PLPP1: variants seen among roughly 807,000 people sequenced by gnomAD.
PLPP1 encodes the protein lipid phosphate phosphohydrolase 1a.
PLPP1 carries 24 observed loss-of-function variants against 31.2 expected under a neutral mutation model. The observed-to-expected ratio is 0.77, with a 90% confidence interval of 0.56 to 1.08. The LOEUF (loss-of-function observed/expected upper bound fraction) is 1.08. Ranked by LOEUF, PLPP1 falls within the 50% of genes least tolerant of loss-of-function variation. The pLI, the probability that PLPP1 is intolerant of heterozygous loss-of-function variation, is 0.00. For synonymous variants in PLPP1, 146 were observed against 126.3 expected (o/e 1.16, Z -1.05); for missense variants, 319 against 342.7 (o/e 0.93, Z 0.55).
intron 1 of PLPP1, among the ~76,000 whole-genome samples, chr5:55,507,061 TTG>T (rs1342115046): frequency 9.9e-5 from 15 of 152,204 alleles, no homozygotes; most frequent in Admixed American, 3.3e-4. Flanking sequence ...ACTAATCAAG[TTG>T]TGTGTTATTT....
At chr5:55,467,309 AG>A (rs755782021) in intron 3 of PLPP1, among the ~76,000 whole-genome samples, 7 of 152,170 alleles carry the variant, frequency 4.6e-5, no homozygotes, top group Non-Finnish European at 1.0e-4. Context: ...TATTCATTTA[AG>A]TATTGTCTAT....
intron 1 of PLPP1, among the ~76,000 whole-genome samples, chr5:55,514,796 G>GT (rs1194524565): frequency 6.6e-6 from 1 of 152,164 alleles, no homozygotes; most frequent in Non-Finnish European, 1.5e-5. Context: ...ATGTATGCTT[G>GT]TATCACTCAA....
chr5:55,497,345 A>G (rs1400299635), intron 1 of PLPP1, among the ~76,000 whole-genome samples: 2 of 152,038 alleles, frequency 1.3e-5, no homozygotes, highest in Non-Finnish European at 2.9e-5. Flanking sequence ...TCTTGGGCTC[A>G]GGCAATCCTC....
At chr5:55,520,183 C>T (rs1042380648) in intron 1 of PLPP1, among the ~76,000 whole-genome samples, 1 of 152,188 alleles carries the variant, frequency 6.6e-6, no homozygotes, top group African/African-American at 2.4e-5. Flanking sequence ...TGTCTATGAG[C>T]TGTGGGAATA....
chr5:55,448,385 G>C (rs1414225678), intron 3 of PLPP1, among the ~76,000 whole-genome samples: 1 of 151,186 alleles, frequency 6.6e-6, no homozygotes, highest in Non-Finnish European at 1.5e-5. Context: ...ATGTCTCCTA[G>C]AGAAATGCAG....
chr5:55,511,471 T>G (rs545422295), intron 1 of PLPP1, among the ~76,000 whole-genome samples: 1 of 152,058 alleles, frequency 6.6e-6, no homozygotes, highest in African/African-American at 2.4e-5. Context: ...TCACAAGTTT[T>G]TTTTTCTTTT....
At chr5:55,457,761 C>T (rs879722025) in intron 3 of PLPP1, among the ~76,000 whole-genome samples, 6 of 151,962 alleles carry the variant, frequency 3.9e-5, no homozygotes, top group East Asian at 3.9e-4. Flanking sequence ...TGGTGGCGGG[C>T]GCCTGTAGTC....
chr5:55,501,492 AAACAAAGCTAATTT>A (rs1247602954), intron 1 of PLPP1, among the ~76,000 whole-genome samples: 2 of 152,118 alleles, frequency 1.3e-5, no homozygotes, highest in Admixed American at 1.3e-4. Flanking sequence ...AAAATGTATG[AAACAAAGCTAATTT>A]ATTTATTTAT....
chr5:55,470,636 A>T (rs1339895815), intron 2 of PLPP1, among the ~76,000 whole-genome samples: 1 of 152,232 alleles, frequency 6.6e-6, no homozygotes, highest in Non-Finnish European at 1.5e-5. Flanking sequence ...AAGAAGTTCT[A>T]AATCAATTCT....
intron 3 of PLPP1, among the ~76,000 whole-genome samples, chr5:55,443,192 A>ATATATATAT (rs1554037280): frequency 0.031 from 766 of 24,906 alleles, 11 homozygotes; most frequent in Non-Finnish European, 0.042. Context: ...AAAAAAAAAA[A>ATATATATAT]ATATATATAT....
intron 1 of PLPP1, among the ~76,000 whole-genome samples, chr5:55,498,123 T>C (rs1753042263): frequency 6.6e-6 from 1 of 152,136 alleles, no homozygotes; most frequent in African/African-American, 2.4e-5. Context: ...AAAGGGGCTA[T>C]TTATAGAGTC....
chr5:55,425,607 A>C, intron 5 of PLPP1: 1 of 448,042 alleles, frequency 2.2e-6, no homozygotes, highest in Non-Finnish European at 3.8e-6. Context: ...TCAAGTCATA[A>C]TCCCCTAAAA....
chr5:55,511,650 GTTTTTTTTTTTTTT>G lies in PLPP1; in HGVS notation c.58+22908_58+22921del, dbSNP rs1158182340. On this transcript the variant is annotated intron_variant, in intron 1 of 5. Coordinates refer to ENST00000307259, the MANE Select transcript of PLPP1 (RefSeq NM_003711.4). ...ACTTTAGCGATTTAACACGTGTTGA[GTTTTTTTTTTTTTT>G]TTTTTTTTTTTTTTTTTGAGATGGA... 1.0e-3 allele frequency among the ~76,000 whole-genome samples: 54 copies of G among 51,496 alleles called. 1 individual carries two copies. In the East Asian group the frequency reaches 0.013, roughly 12 times the overall value. The allele number at this position is 51,496 out of a possible 152,430, so 33.8% of individuals were successfully genotyped here.
At chr5:55,453,668 C>T (rs1373414776) in intron 3 of PLPP1, among the ~76,000 whole-genome samples, 2 of 152,086 alleles carry the variant, frequency 1.3e-5, no homozygotes, top group African/African-American at 4.8e-5. Flanking sequence ...GGCCGGATAC[C>T]GTTGGCTCCC....
intron 1 of PLPP1, among the ~76,000 whole-genome samples, chr5:55,476,650 C>T (rs1446093485): frequency 6.6e-6 from 1 of 152,132 alleles, no homozygotes; most frequent in African/African-American, 2.4e-5. Flanking sequence ...GCAGTAATAC[C>T]ATAACCACTA....
chr5:55,443,210 T>C (rs867243476), intron 3 of PLPP1, among the ~76,000 whole-genome samples: 31 of 116,544 alleles, frequency 2.7e-4, no homozygotes, highest in Admixed American at 6.5e-4. Flanking sequence ...TATATATATA[T>C]ATACACACAC....
chr5:55,486,558 C>T (rs1752778899), intron 1 of PLPP1, among the ~76,000 whole-genome samples: 1 of 151,844 alleles, frequency 6.6e-6, no homozygotes, highest in Non-Finnish European at 1.5e-5. Flanking sequence ...TATACTCCAG[C>T]CTGGGCAACA....
At chr5:55,442,456 A>G (rs1751643630) in intron 3 of PLPP1, among the ~76,000 whole-genome samples, 1 of 152,140 alleles carries the variant, frequency 6.6e-6, no homozygotes. Context: ...GATCGAGACC[A>G]TCCTGGCCAA....
At chr5:55,512,115 G>A (rs1264396996) in intron 1 of PLPP1, among the ~76,000 whole-genome samples, 1 of 151,210 alleles carries the variant, frequency 6.6e-6, no homozygotes, top group Non-Finnish European at 1.5e-5. Context: ...GGCAACAAGA[G>A]CAAAACTCCT....
Sources: gnomAD v4.1 joint callset for allele counts (sites outside exome capture counted in the v4.1 genomes callset) on GRCh38, gnomAD v4.1.1 for gene constraint, MANE v1.5 for transcripts, NCBI Gene and HGNC (gene_info 2026-07-23, HGNC 2026-07-21) for gene names.